Variants in PTPRD observed in about 807,000 individuals in gnomAD.
The protein encoded by PTPRD is protein tyrosine phosphatase receptor type D.
PTPRD carries 34 observed loss-of-function variants against 214.5 expected under a neutral mutation model. The observed-to-expected ratio is 0.16, with a 90% confidence interval of 0.12 to 0.21. The LOEUF is 0.21. PTPRD is among the 10% of genes least tolerant of loss of function. The probability of loss-of-function intolerance (pLI) is 1.00; values close to 1 mark genes in which losing one functional copy is unlikely to be tolerated. For synonymous variants in PTPRD, 1,128 were observed against 845.7 expected, an observed-to-expected ratio of 1.33 and a Z score of -5.79; for missense variants, 2,545 against 2,398.7, an observed-to-expected ratio of 1.06 and a Z score of -1.27.
intron 6 of PTPRD, among the ~76,000 whole-genome samples, chr9:9,749,151 C>A (rs1403205636): frequency 5.3e-5 from 8 of 152,094 alleles, no homozygotes; most frequent in Non-Finnish European, 1.2e-4. Flanking sequence ...CACTTCAGCC[C>A]CCTCTTGACT....
intron 11 of PTPRD, among the ~76,000 whole-genome samples, chr9:9,000,634 C>T (rs557655846): frequency 9.2e-5 from 14 of 151,954 alleles, no homozygotes; most frequent in Non-Finnish European, 2.1e-4. Flanking sequence ...GGACACCTGA[C>T]ATTTTAAAAA....
intron 10 of PTPRD, among the ~76,000 whole-genome samples, chr9:9,157,763 G>T (rs530311555): frequency 1.3e-5 from 2 of 152,178 alleles, no homozygotes; most frequent in South Asian, 4.2e-4. Flanking sequence ...GGATGTGCAG[G>T]TTTGTTACGT....
chr9:8,653,250 T>A (rs887910982), intron 12 of PTPRD, among the ~76,000 whole-genome samples: 1 of 152,166 alleles, frequency 6.6e-6, no homozygotes, highest in Non-Finnish European at 1.5e-5. Flanking sequence ...TCCAATTCGC[T>A]ACATAAATGG....
intron 12 of PTPRD, chr9:8,713,885 C>A (rs535285907): frequency 9.8e-6 from 10 of 1,015,338 alleles, no homozygotes; most frequent in Admixed American, 2.6e-5. Context: ...AACTCAGGAA[C>A]GCCCCGGTGG....
chr9:9,324,040 T>C (rs190049873), intron 9 of PTPRD, among the ~76,000 whole-genome samples: 2 of 152,194 alleles, frequency 1.3e-5, no homozygotes, highest in Non-Finnish European at 2.9e-5. Flanking sequence ...TATGGCTGCA[T>C]AGTATTCCAT....
intron 5 of PTPRD, among the ~76,000 whole-genome samples, chr9:9,922,961 T>C (rs2083013895): frequency 1.4e-5 from 2 of 147,034 alleles, no homozygotes; most frequent in South Asian, 4.3e-4. Context: ...ATTCTAATTC[T>C]ATCAAAGTAT....
chr9:9,975,431 G>A (rs566283351), intron 4 of PTPRD, among the ~76,000 whole-genome samples: 1 of 152,304 alleles, frequency 6.6e-6, no homozygotes, highest in East Asian at 1.9e-4. Flanking sequence ...AGTGGACAAT[G>A]CGTTAAGCGA....
chr9:9,668,690 ATTTATT>A (rs1477241287), intron 7 of PTPRD, among the ~76,000 whole-genome samples: 1 of 152,102 alleles, frequency 6.6e-6, no homozygotes, highest in Non-Finnish European at 1.5e-5. Flanking sequence ...ACTTTTACCT[ATTTATT>A]TTTATTATTA....
chr9:9,225,959 A>G (rs1025951020), intron 9 of PTPRD, among the ~76,000 whole-genome samples: 6 of 151,922 alleles, frequency 3.9e-5, no homozygotes, highest in Non-Finnish European at 7.4e-5. Context: ...CTCCTAATAT[A>G]TTTTTTGTTT....
chr9:9,708,659 G>A (rs1243207994), intron 7 of PTPRD, among the ~76,000 whole-genome samples: 3 of 151,612 alleles, frequency 2.0e-5, no homozygotes, highest in Non-Finnish European at 4.4e-5. Context: ...TACTTTTACA[G>A]ACATTAAAAA....
intron 12 of PTPRD, among the ~76,000 whole-genome samples, chr9:8,688,426 G>T (rs1327175243): frequency 1.3e-5 from 2 of 151,968 alleles, no homozygotes; most frequent in Non-Finnish European, 2.9e-5. Flanking sequence ...TTAGCCGGGC[G>T]TGGTGGTGGG....
intron 9 of PTPRD, among the ~76,000 whole-genome samples, chr9:9,374,803 C>T (rs2060366050): frequency 6.6e-6 from 1 of 152,188 alleles, no homozygotes; most frequent in African/African-American, 2.4e-5. Flanking sequence ...AGGTCTGAAA[C>T]ATCACCATTT....
At chr9:8,850,941 G>A (rs375417949) in intron 11 of PTPRD, among the ~76,000 whole-genome samples, 1 of 152,180 alleles carries the variant, frequency 6.6e-6, no homozygotes, top group Non-Finnish European at 1.5e-5. Context: ...CATATGTCTT[G>A]TTGACCTATA....
intron 7 of PTPRD, among the ~76,000 whole-genome samples, chr9:9,619,629 A>T (rs1244733213): frequency 1.4e-5 from 2 of 145,542 alleles, no homozygotes; most frequent in Admixed American, 1.4e-4. Flanking sequence ...ATAATAATCT[A>T]TATGTTAATA....
chr9:8,343,559 A>G (rs1854560396), intron 39 of PTPRD, among the ~76,000 whole-genome samples: 1 of 152,040 alleles, frequency 6.6e-6, no homozygotes, highest in Non-Finnish European at 1.5e-5. Context: ...GAAACCTGTT[A>G]GATGGCGAGT....
At chr9:9,166,052 C>A (rs998460871) in intron 10 of PTPRD, among the ~76,000 whole-genome samples, 1 of 151,756 alleles carries the variant, frequency 6.6e-6, no homozygotes, top group South Asian at 2.1e-4. Context: ...ATTAAAAAAA[C>A]CTGTGGTGAC....
intron 3 of PTPRD, among the ~76,000 whole-genome samples, chr9:10,126,835 C>A (rs1340642500): frequency 6.6e-6 from 1 of 151,774 alleles, no homozygotes; most frequent in Non-Finnish European, 1.5e-5. Flanking sequence ...ACTGTACAAA[C>A]AATGTGATTC....
At chr9:10,250,402 A>G (rs2092663601) in intron 3 of PTPRD, among the ~76,000 whole-genome samples, 1 of 152,244 alleles carries the variant, frequency 6.6e-6, no homozygotes, top group South Asian at 2.1e-4. Flanking sequence ...GACAAGATGT[A>G]CTGGAACCAA....
At chr9:10,585,613 C>T (rs929690154) in intron 2 of PTPRD, among the ~76,000 whole-genome samples, 4 of 151,888 alleles carry the variant, frequency 2.6e-5, no homozygotes, top group Admixed American at 6.6e-5. Context: ...ATGTTTTATA[C>T]GTTGCTTTTT....
Sources: gnomAD v4.1 joint callset for allele counts (sites outside exome capture counted in the v4.1 genomes callset) on GRCh38, gnomAD v4.1.1 for gene constraint, MANE v1.5 for transcripts, NCBI Gene and HGNC (gene_info 2026-07-23, HGNC 2026-07-21) for gene names.